The following SCAPER variants were observed in gnomAD, a reference collection of about 807,000 sequenced individuals.
The protein encoded by SCAPER is S phase cyclin A-associated protein in the endoplasmic reticulum.
Under a neutral mutation model 182.2 loss-of-function variants are expected in SCAPER, and 98 were observed. That is an observed-to-expected ratio of 0.54 (90% CI 0.46 to 0.64). SCAPER has a LOEUF of 0.64. SCAPER is among the 30% of genes least tolerant of loss of function. SCAPER has a pLI of 0.00. For missense variants in SCAPER, 1,432 were observed against 1,690.0 expected (o/e 0.85, Z 2.68); for synonymous variants, 605 against 564.6 (o/e 1.07, Z -1.01).
intron 1 of SCAPER, among the ~76,000 whole-genome samples, chr15:76,891,218 G>A (rs776327373): frequency 5.3e-5 from 8 of 152,088 alleles, no homozygotes; most frequent in East Asian, 1.9e-4. Flanking sequence ...AGATCATACC[G>A]AATGGGCAAA....
intron 23 of SCAPER, among the ~76,000 whole-genome samples, chr15:76,564,086 T>C (rs575972379): frequency 6.6e-6 from 1 of 152,204 alleles, no homozygotes; most frequent in South Asian, 2.1e-4. Context: ...GCTGGAAACT[T>C]TATCCTTGAA....
At chr15:76,627,756 G>A (rs144900459) in intron 21 of SCAPER, among the ~76,000 whole-genome samples, 3 of 152,120 alleles carry the variant, frequency 2.0e-5, no homozygotes, top group East Asian at 1.9e-4. Context: ...ATGAACATAC[G>A]CACACATGTA....
At chr15:76,899,339 A>G (rs2074621040) in intron 1 of SCAPER, among the ~76,000 whole-genome samples, 1 of 152,010 alleles carries the variant, frequency 6.6e-6, no homozygotes, top group Admixed American at 6.5e-5. Context: ...TGGTTTTTGT[A>G]TTTTTGGTGG....
At chr15:76,798,274 C>T (rs978164971) in intron 7 of SCAPER, among the ~76,000 whole-genome samples, 1 of 151,428 alleles carries the variant, frequency 6.6e-6, no homozygotes, top group South Asian at 2.1e-4. Flanking sequence ...GCACGAGAAT[C>T]GCTTGAACCC....
chr15:76,898,317 A>C (rs1319505511), intron 1 of SCAPER, among the ~76,000 whole-genome samples: 4 of 152,212 alleles, frequency 2.6e-5, no homozygotes, highest in African/African-American at 9.7e-5. Context: ...AAACCGGTAC[A>C]GCTGGTTTGG....
chr15:76,608,017 C>T (rs1057229749), intron 22 of SCAPER, among the ~76,000 whole-genome samples: 3 of 152,192 alleles, frequency 2.0e-5, no homozygotes, highest in African/African-American at 7.2e-5. Flanking sequence ...TCTCTCAACT[C>T]GTCAAAGTCA....
At chr15:76,531,649 G>GT (rs1555469455) in intron 23 of SCAPER, among the ~76,000 whole-genome samples, 1 of 149,082 alleles carries the variant, frequency 6.7e-6, no homozygotes, top group Non-Finnish European at 1.5e-5. Flanking sequence ...GTAAATATAT[G>GT]TTAAAAAAAA....
intron 2 of SCAPER, among the ~76,000 whole-genome samples, chr15:76,863,541 T>C (rs918958916): frequency 6.6e-6 from 1 of 152,148 alleles, no homozygotes; most frequent in Non-Finnish European, 1.5e-5. Context: ...AAGAAAAATA[T>C]AAATATATAA....
chr15:76,399,689 C>G (rs565203833), intron 27 of SCAPER, among the ~76,000 whole-genome samples: 1 of 152,210 alleles, frequency 6.6e-6, no homozygotes, highest in South Asian at 2.1e-4. Context: ...TTCTGACATC[C>G]AAATCGTGTT....
chr15:76,812,569 C>G (rs2066718545), intron 5 of SCAPER, among the ~76,000 whole-genome samples: 1 of 150,342 alleles, frequency 6.7e-6, no homozygotes, highest in South Asian at 2.1e-4. Context: ...ATGGCAAAAC[C>G]TTAGGGTGAA....
intron 5 of SCAPER, among the ~76,000 whole-genome samples, chr15:76,808,575 G>A (rs1213209480): frequency 6.6e-6 from 1 of 152,124 alleles, no homozygotes; most frequent in African/African-American, 2.4e-5. Flanking sequence ...ACAAACTCCC[G>A]ACTCCCAATT....
intron 26 of SCAPER, among the ~76,000 whole-genome samples, chr15:76,408,101 T>A (rs550429336): frequency 2.6e-5 from 4 of 152,328 alleles, no homozygotes; most frequent in East Asian, 1.9e-4. Flanking sequence ...TAGTTTTTTT[T>A]AAAATTAGAA....
intron 29 of SCAPER, among the ~76,000 whole-genome samples, chr15:76,371,299 T>G (rs2042152783): frequency 6.6e-6 from 1 of 151,830 alleles, no homozygotes; most frequent in South Asian, 2.1e-4. Context: ...ATTTCTACCT[T>G]ATAATATTTC....
intron 17 of SCAPER, among the ~76,000 whole-genome samples, chr15:76,706,868 TAC>T (rs140804488): frequency 2.2e-4 from 33 of 151,562 alleles, no homozygotes; most frequent in Admixed American, 1.1e-3. Flanking sequence ...GATACACACA[TAC>T]ACACACACAC....
In SCAPER at chr15:76,765,036, T is replaced by C; in HGVS notation, c.1650A>G (p.Lys550=). The change falls in exon 14 of 32, where the codon AAA becomes AAG. Residue 550 remains lysine (K), a synonymous_variant. Coordinates refer to ENST00000563290, the MANE Select transcript of SCAPER (RefSeq NM_020843.4). ...CCCTTAGCTGCTGTGCTTTCATTTG[T>C]TTTTCTTCATGTTTCTTCTTAGATT... The part of the protein sequence containing the change: ...IAESKKKHEE[K]QMKAQQLREK... The C allele has an allele frequency of 6.3e-7, 1 of 1,598,218 alleles. No homozygotes were observed. Among genetic ancestry groups the C allele is most frequent in the East Asian group, 2.2e-5 (1 of 44,624 alleles).
chr15:76,665,522 A>T, intron 21 of SCAPER, 131 bp downstream of exon 21: 1 of 1,067,282 alleles, frequency 9.4e-7, no homozygotes, highest in Non-Finnish European at 1.3e-6. Flanking sequence ...GCTATAAATT[A>T]GGCTCATCAG....
At chr15:76,412,508 AT>A (rs892434419) in intron 26 of SCAPER, among the ~76,000 whole-genome samples, 106 of 150,528 alleles carry the variant, frequency 7.0e-4, no homozygotes, top group Non-Finnish European at 5.8e-4. Flanking sequence ...AAAATAGTGT[AT>A]TTTTTTTTCA....
intron 1 of SCAPER, among the ~76,000 whole-genome samples, chr15:76,886,466 T>G (rs541132369): frequency 6.6e-6 from 1 of 152,080 alleles, no homozygotes; most frequent in East Asian, 1.9e-4. Flanking sequence ...GGCAACAGAG[T>G]GAGACTCTCT....
At chr15:76,721,551 C>T (rs1248865353) in intron 17 of SCAPER, among the ~76,000 whole-genome samples, 7 of 151,844 alleles carry the variant, frequency 4.6e-5, no homozygotes, top group Admixed American at 4.6e-4. Context: ...ATTCTTCCTA[C>T]CCATGAGCAT....
Sources: allele counts gnomAD v4.1 joint callset (sites outside exome capture counted in the v4.1 genomes callset), GRCh38; gene constraint gnomAD v4.1.1; transcripts MANE v1.5; gene names NCBI Gene and HGNC (gene_info 2026-07-23, HGNC 2026-07-21).